RPRD1A: variants seen among roughly 807,000 people sequenced by gnomAD.
RPRD1A encodes regulation of nuclear pre-mRNA domain containing 1A.
RPRD1A carries 9 observed loss-of-function variants against 37.8 expected under a neutral mutation model. The observed-to-expected ratio is 0.24, with a 90% CI of 0.14 to 0.42. RPRD1A has a LOEUF of 0.42. RPRD1A is among the 10% of genes least tolerant of loss of function. The pLI is 1.00. For synonymous variants in RPRD1A, 138 were observed against 139.7 expected (o/e 0.99, Z 0.08); for missense variants, 255 against 371.0 (o/e 0.69, Z 2.57).
rs35428437 is a variant in RPRD1A, at chr18:36,057,051, C to CAAAAAA, written c.151+10197_151+10202dup. Among the ~76,000 whole-genome samples, 38 of 44,738 alleles carry CAAAAAA rather than the reference C, an allele frequency of 8.5e-4. 4 individuals are homozygous for CAAAAAA. Among genetic ancestry groups the CAAAAAA allele is most frequent in the African/African-American group, 1.7e-3 (20 of 11,864 alleles). The allele number at this position is 44,738 out of a possible 152,430, so 29.3% of individuals were successfully genotyped here. A position where few individuals can be genotyped will look rare whatever the true frequency, so the allele number is the denominator to read the frequency against. Reference sequence around the variant, plus strand: ...GCAACACAGCTAGACCCTGTTTCTACAAAAAAAAAAAAAAAAAAAAAAAAA... The same window carrying CAAAAAA: ...GCAACACAGCTAGACCCTGTTTCTACAAAAAAAAAAAAAAAAAAAAAAAAAAAAAAA... On this transcript the variant is annotated intron_variant, in intron 1 of 6. Transcript: ENST00000399022.
intron 6 of RPRD1A, among the ~76,000 whole-genome samples, chr18:36,021,335 G>T (rs561187402): frequency 7.0e-6 from 1 of 143,646 alleles, no homozygotes; most frequent in Non-Finnish European, 1.5e-5. Flanking sequence ...TCAAATTTTG[G>T]TATTTCTTGT....
chr18:36,065,951 TA>T (rs1400161884), intron 1 of RPRD1A, among the ~76,000 whole-genome samples: 1 of 152,196 alleles, frequency 6.6e-6, no homozygotes, highest in Admixed American at 6.5e-5. Context: ...CATGTGTTTC[TA>T]AATGCTCTCT....
chr18:36,048,558 C>A (rs371580156), intron 1 of RPRD1A, among the ~76,000 whole-genome samples: 4 of 151,482 alleles, frequency 2.6e-5, no homozygotes, highest in East Asian at 3.9e-4. Context: ...GCAGAAGAGG[C>A]TTCTGACAAA....
intron 1 of RPRD1A, among the ~76,000 whole-genome samples, chr18:36,054,141 A>G (rs931329441): frequency 6.6e-6 from 1 of 152,216 alleles, no homozygotes; most frequent in Non-Finnish European, 1.5e-5. Flanking sequence ...AAGTAAAAAC[A>G]CCATATAAAG....
At chr18:36,004,030 G>A (rs1209355008) in intron 6 of RPRD1A, among the ~76,000 whole-genome samples, 1 of 123,660 alleles carries the variant, frequency 8.1e-6, no homozygotes. Flanking sequence ...TTTTTGTAGA[G>A]ACTGGGTTTC....
At chr18:36,043,209 A>AGGGGGG (rs1912720326) in intron 1 of RPRD1A, among the ~76,000 whole-genome samples, 1 of 130,206 alleles carries the variant, frequency 7.7e-6, no homozygotes, top group Non-Finnish European at 1.7e-5. Flanking sequence ...GGGGGGGGGA[A>AGGGGGG]GAAGGGGAGT....
chr18:36,032,427 A>G (rs1160889314), intron 2 of RPRD1A, among the ~76,000 whole-genome samples: 1 of 152,230 alleles, frequency 6.6e-6, no homozygotes, highest in African/African-American at 2.4e-5. Context: ...GTGTGGAATA[A>G]ATGCGAGACA....
At position 36,057,049 on chromosome 18, in the gene RPRD1A, T is replaced by TAAAAAA. The variant is rs1407950222; in HGVS notation, c.151+10204_151+10205insTTTTTT. ...CAGCAACACAGCTAGACCCTGTTTCTACAAAAAAAAAAAAAAAAAAAAAAA... is the reference window on the plus strand; with the variant it reads ...CAGCAACACAGCTAGACCCTGTTTCTAAAAAAACAAAAAAAAAAAAAAAAAAAAAAA... On this transcript the variant is annotated intron_variant, in intron 1 of 6. Coordinates refer to ENST00000399022, the MANE Select transcript of RPRD1A (RefSeq NM_018170.5). 4.9e-3 allele frequency among the ~76,000 whole-genome samples: 115 copies of TAAAAAA among 23,288 alleles called. 7 individuals carry two copies. The highest frequency in any genetic ancestry group is 0.021 in the African/African-American group (109 of 5,300). The allele number at this position is 23,288 out of a possible 152,430, so 15.3% of individuals were successfully genotyped here.
intron 6 of RPRD1A, among the ~76,000 whole-genome samples, chr18:36,003,810 T>C (rs1478077297): frequency 6.6e-6 from 1 of 152,072 alleles, no homozygotes; most frequent in Non-Finnish European, 1.5e-5. Context: ...TTTCTGTTTG[T>C]TTTTTTAAGA....
intron 6 of RPRD1A, among the ~76,000 whole-genome samples, chr18:35,993,707 C>T (rs574587725): frequency 6.6e-6 from 1 of 152,172 alleles, no homozygotes; most frequent in Non-Finnish European, 1.5e-5. Context: ...GGACTGCTCC[C>T]TTCCTGTGCC....
chr18:36,010,040 T>A (rs1910078080), intron 6 of RPRD1A, among the ~76,000 whole-genome samples: 1 of 152,242 alleles, frequency 6.6e-6, no homozygotes, highest in Non-Finnish European at 1.5e-5. Flanking sequence ...CATACATCTT[T>A]GTAATATATG....
chr18:36,060,459 C>A (rs2088886801), intron 1 of RPRD1A, among the ~76,000 whole-genome samples: 1 of 152,072 alleles, frequency 6.6e-6, no homozygotes, highest in South Asian at 2.1e-4. Context: ...GAAAAATGTT[C>A]TTTCACTTCT....
chr18:36,033,611 C>A, intron 2 of RPRD1A, 97 bp downstream of exon 2: 1 of 977,290 alleles, frequency 1.0e-6, no homozygotes, highest in East Asian at 2.7e-5. Context: ...AAACTATATT[C>A]CCTACTTTTT....
intron 1 of RPRD1A, among the ~76,000 whole-genome samples, chr18:36,062,588 T>G (rs569896605): frequency 3.3e-5 from 5 of 152,138 alleles, no homozygotes; most frequent in Non-Finnish European, 4.4e-5. Context: ...TATTCGGCCA[T>G]AGAAAAGACT....
At chr18:36,059,893 G>A (rs1011979804) in intron 1 of RPRD1A, among the ~76,000 whole-genome samples, 5 of 152,138 alleles carry the variant, frequency 3.3e-5, no homozygotes, top group African/African-American at 1.2e-4. Context: ...TGTTAAGAAA[G>A]ACTATAACTA....
Position 36,004,000 on chromosome 18 carries a change from C to CTT in RPRD1A, c.790-10702_790-10701dup, listed in dbSNP as rs34397005. On this transcript the variant is annotated intron_variant, in intron 6 of 6. Coordinates refer to ENST00000399022, the MANE Select transcript of RPRD1A (RefSeq NM_018170.5). ...AGGGAGACAGACAGACAGACACAGA[C>CTT]TTTTTTTTTTTTTTTTTTTTTTTTG... is the stretch of plus-strand genomic sequence containing the variant. Among the ~76,000 whole-genome samples the CTT allele has an allele frequency of 9.5e-3, 812 of 85,202 alleles. 12 individuals carry two copies. Among genetic ancestry groups the CTT allele is most frequent in the African/African-American group, 0.016 (324 of 19,838 alleles). The allele number at this position is 85,202 out of a possible 152,430, so 55.9% of individuals were successfully genotyped here.
intron 6 of RPRD1A, among the ~76,000 whole-genome samples, chr18:36,014,535 G>A (rs567339643): frequency 7.5e-4 from 114 of 152,292 alleles, no homozygotes; most frequent in Non-Finnish European, 1.2e-3. Flanking sequence ...TCAGGAGATC[G>A]AGACCATCCT....
intron 6 of RPRD1A, among the ~76,000 whole-genome samples, chr18:36,004,539 G>C (rs1909620961): frequency 6.6e-6 from 1 of 152,178 alleles, no homozygotes; most frequent in African/African-American, 2.4e-5. Flanking sequence ...ACAGGCATGA[G>C]CCGGCGCCCA....
intron 1 of RPRD1A, among the ~76,000 whole-genome samples, chr18:36,056,714 C>T (rs981172775): frequency 1.3e-5 from 2 of 151,672 alleles, no homozygotes; most frequent in Non-Finnish European, 2.9e-5. Flanking sequence ...AAAAAATTAC[C>T]AGTTATTACA....
Sources: gnomAD v4.1 joint callset for allele counts (sites outside exome capture counted in the v4.1 genomes callset) on GRCh38, gnomAD v4.1.1 for gene constraint, MANE v1.5 for transcripts, NCBI Gene and HGNC (gene_info 2026-07-23, HGNC 2026-07-21) for gene names.